The following NPAS3 variants were observed in gnomAD, a reference collection of about 807,000 sequenced individuals.
NPAS3 encodes the protein neuronal PAS domain-containing protein 3.
NPAS3 carries 14 observed loss-of-function variants against 73.1 expected under a neutral mutation model. That is an observed-to-expected ratio of 0.19 (90% CI 0.13 to 0.30). NPAS3 has a LOEUF of 0.30. Among genes scored for constraint, NPAS3 ranks in the 10% least tolerant of loss-of-function variants. The pLI is 1.00. For missense variants in NPAS3, 1,096 were observed against 1,250.0 expected, an observed-to-expected ratio of 0.88 and a Z score of 1.86; for synonymous variants, 620 against 541.5, an observed-to-expected ratio of 1.14 and a Z score of -2.01.
At chr14:33,774,207 C>T (rs561280392) in intron 7 of NPAS3, 130 bp from the exon 8 acceptor site, 7 of 656,056 alleles carry the variant, frequency 1.1e-5, no homozygotes, top group Non-Finnish European at 1.8e-5. Context: ...ATGCCGACAG[C>T]CATTATGATT....
At chr14:33,416,618 ATCT>A (rs2048159262) in intron 4 of NPAS3, among the ~76,000 whole-genome samples, 1 of 151,994 alleles carries the variant, frequency 6.6e-6, no homozygotes, top group African/African-American at 2.4e-5. Context: ...CTATTGGCTT[ATCT>A]TCTTCAAAAA....
chr14:33,007,067 T>C (rs1298042406), intron 1 of NPAS3, among the ~76,000 whole-genome samples: 1 of 152,226 alleles, frequency 6.6e-6, no homozygotes, highest in Non-Finnish European at 1.5e-5. Context: ...AACGTAGATG[T>C]CACAGTCAGT....
chr14:33,577,784 G>A (rs115357423), intron 5 of NPAS3, among the ~76,000 whole-genome samples: 245 of 152,324 alleles, frequency 1.6e-3, no homozygotes, highest in African/African-American at 4.6e-3. Context: ...ACTCCATTTA[G>A]GGACAGAGAA....
chr14:33,694,079 A>G (rs1266245831), intron 6 of NPAS3, among the ~76,000 whole-genome samples: 1 of 152,124 alleles, frequency 6.6e-6, no homozygotes, highest in Non-Finnish European at 1.5e-5. Flanking sequence ...CAGTTTTTTA[A>G]GATTAAATGT....
intron 1 of NPAS3, among the ~76,000 whole-genome samples, chr14:33,012,166 A>C (rs987181270): frequency 1.9e-4 from 29 of 152,074 alleles, no homozygotes; most frequent in African/African-American, 6.5e-4. Flanking sequence ...GCCTTGCCCT[A>C]TCCCTTATAA....
intron 4 of NPAS3, among the ~76,000 whole-genome samples, chr14:33,413,338 T>A (rs765933900): frequency 6.6e-6 from 1 of 152,018 alleles, no homozygotes; most frequent in Non-Finnish European, 1.5e-5. Flanking sequence ...GAGCCCCAGG[T>A]CCCTGGAAGC....
chr14:33,023,754 T>A (rs934336428), intron 1 of NPAS3, among the ~76,000 whole-genome samples: 2 of 152,204 alleles, frequency 1.3e-5, no homozygotes, highest in African/African-American at 4.8e-5. Flanking sequence ...TTGTGTTTTT[T>A]AATATTGTAT....
intron 3 of NPAS3, among the ~76,000 whole-genome samples, chr14:33,243,734 T>A (rs1195609011): frequency 6.6e-6 from 1 of 151,650 alleles, no homozygotes; most frequent in African/African-American, 2.4e-5. Flanking sequence ...ACCATGGCAG[T>A]TCATGGCAAA....
intron 3 of NPAS3, among the ~76,000 whole-genome samples, chr14:33,255,635 G>T (rs2048751636): frequency 6.6e-6 from 1 of 152,084 alleles, no homozygotes; most frequent in African/African-American, 2.4e-5. Context: ...GTTGGGTAGG[G>T]TGACTCAGCC....
At chr14:33,389,864 A>C (rs185296919) in intron 4 of NPAS3, among the ~76,000 whole-genome samples, 1 of 152,244 alleles carries the variant, frequency 6.6e-6, no homozygotes, top group East Asian at 1.9e-4. Context: ...TGCTGGTAAA[A>C]TTCCATTATG....
chr14:33,341,412 T>C (rs1013096218), intron 3 of NPAS3, among the ~76,000 whole-genome samples: 11 of 152,246 alleles, frequency 7.2e-5, no homozygotes, highest in African/African-American at 2.7e-4. Context: ...CTTAAAGTCC[T>C]GGACATGACT....
At chr14:32,991,977 T>A (rs539090284) in intron 1 of NPAS3, among the ~76,000 whole-genome samples, 1 of 152,282 alleles carries the variant, frequency 6.6e-6, no homozygotes, top group East Asian at 1.9e-4. Flanking sequence ...AGAAATACAA[T>A]CACACAGATG....
intron 1 of NPAS3, among the ~76,000 whole-genome samples, chr14:33,044,333 C>A (rs903734205): frequency 6.6e-6 from 1 of 152,136 alleles, no homozygotes; most frequent in Admixed American, 6.5e-5. Context: ...TACTGTGATA[C>A]ATTTGAACCA....
chr14:33,019,503 T>C (rs2039515653), intron 1 of NPAS3, among the ~76,000 whole-genome samples: 1 of 152,126 alleles, frequency 6.6e-6, no homozygotes, highest in Non-Finnish European at 1.5e-5. Context: ...CCGGGGATGG[T>C]TTCCTTTTCT....
intron 4 of NPAS3, among the ~76,000 whole-genome samples, chr14:33,558,583 G>A (rs528133285): frequency 2.6e-5 from 4 of 151,564 alleles, no homozygotes; most frequent in Admixed American, 1.3e-4. Flanking sequence ...TTATATATAC[G>A]TACATACATA....
chr14:33,698,146 A>G (rs2140437961), intron 6 of NPAS3, among the ~76,000 whole-genome samples: 1 of 152,314 alleles, frequency 6.6e-6, no homozygotes, highest in South Asian at 2.1e-4. Context: ...TGAGGCACTG[A>G]CAGTAAATGA....
intron 6 of NPAS3, among the ~76,000 whole-genome samples, chr14:33,694,528 A>T (rs1595454560): frequency 6.6e-6 from 1 of 152,158 alleles, no homozygotes; most frequent in African/African-American, 2.4e-5. Flanking sequence ...ATAATGGGGA[A>T]GTTTATAAAA....
chr14:33,412,478 T>G (rs1566879649), intron 4 of NPAS3, among the ~76,000 whole-genome samples: 2 of 152,180 alleles, frequency 1.3e-5, no homozygotes, highest in Admixed American at 6.6e-5. Flanking sequence ...CTCTGTAGCT[T>G]TTCCCTTCTT....
chr14:33,652,690 C>G (rs12890742), intron 5 of NPAS3, among the ~76,000 whole-genome samples: 2 of 152,204 alleles, frequency 1.3e-5, no homozygotes, highest in African/African-American at 4.8e-5. Context: ...GTAACATATG[C>G]TGAGTTGCTT....
Sources: allele counts gnomAD v4.1 joint callset (sites outside exome capture counted in the v4.1 genomes callset), GRCh38; gene constraint gnomAD v4.1.1; transcripts MANE v1.5; gene names NCBI Gene and HGNC (gene_info 2026-07-23, HGNC 2026-07-21).